ZNF827: variants seen among roughly 807,000 people sequenced by gnomAD.
ZNF827 encodes the protein zinc finger protein 827.
ZNF827 carries 13 observed loss-of-function variants against 102.4 expected under a neutral mutation model. The observed-to-expected ratio is 0.13, with a 90% CI of 0.08 to 0.20. The LOEUF (loss-of-function observed/expected upper bound fraction) is 0.20. Ranked by LOEUF, ZNF827 falls within the 10% of genes least tolerant of loss-of-function variation. ZNF827 has a pLI of 1.00. For missense variants in ZNF827, 1,103 were observed against 1,344.4 expected, an observed-to-expected ratio of 0.82 and a Z score of 2.81; for synonymous variants, 523 against 536.2, an observed-to-expected ratio of 0.98 and a Z score of 0.34.
intron 7 of ZNF827, chr4:145,832,807 A>AC (rs1372777707): frequency 6.6e-6 from 1 of 152,188 alleles, no homozygotes; most frequent in East Asian, 1.9e-4. Context: ...CTTGTGTGCG[A>AC]CCCCCACTCC....
chr4:145,863,968 C>T (rs1747955563), intron 5 of ZNF827, among the ~76,000 whole-genome samples: 1 of 151,680 alleles, frequency 6.6e-6, no homozygotes, highest in Admixed American at 6.6e-5. Flanking sequence ...CTGAGGTGGG[C>T]AGATTGTCTG....
At chr4:145,880,956 A>G (rs976331247) in intron 4 of ZNF827, among the ~76,000 whole-genome samples, 11 of 152,260 alleles carry the variant, frequency 7.2e-5, no homozygotes, top group African/African-American at 2.7e-4. Context: ...AAAGGCAATC[A>G]GAGCCACTGG....
chr4:145,924,423 T>C (rs1005511122), intron 1 of ZNF827, among the ~76,000 whole-genome samples: 1 of 152,186 alleles, frequency 6.6e-6, no homozygotes, highest in Non-Finnish European at 1.5e-5. Context: ...ACATATTATA[T>C]CACCTTCAAA....
chr4:145,817,219 A>T (rs976856213), intron 8 of ZNF827, among the ~76,000 whole-genome samples: 8 of 152,184 alleles, frequency 5.3e-5, no homozygotes. Context: ...ACTTATGGTG[A>T]CTTTTCCCTT....
intron 8 of ZNF827, among the ~76,000 whole-genome samples, chr4:145,800,205 A>G (rs1385027325): frequency 1.3e-5 from 2 of 152,226 alleles, no homozygotes; most frequent in Non-Finnish European, 2.9e-5. Flanking sequence ...ATGAAATTGC[A>G]TGTCACAGTT....
intron 1 of ZNF827, among the ~76,000 whole-genome samples, chr4:145,910,189 C>A (rs1000305794): frequency 1.3e-5 from 2 of 152,058 alleles, no homozygotes; most frequent in Non-Finnish European, 2.9e-5. Flanking sequence ...TGGCACACAG[C>A]AACATTTTCA....
chr4:145,820,603 T>C (rs1743049626), intron 8 of ZNF827, among the ~76,000 whole-genome samples: 1 of 152,208 alleles, frequency 6.6e-6, no homozygotes, highest in Non-Finnish European at 1.5e-5. Context: ...GCCACTATCA[T>C]TTCCTAATTC....
chr4:145,771,824 G>A (rs920999359), intron 11 of ZNF827, among the ~76,000 whole-genome samples: 3 of 152,198 alleles, frequency 2.0e-5, no homozygotes, highest in African/African-American at 4.8e-5. Context: ...ACAAGATAGC[G>A]TGGCAGATTT....
chr4:145,802,215 C>G (rs1359166065), intron 8 of ZNF827, among the ~76,000 whole-genome samples: 1 of 152,194 alleles, frequency 6.6e-6, no homozygotes, highest in Non-Finnish European at 1.5e-5. Flanking sequence ...TACTTTAAGA[C>G]TCTGAAAAGC....
At chr4:145,805,982 T>G (rs780960274) in intron 8 of ZNF827, among the ~76,000 whole-genome samples, 4 of 152,044 alleles carry the variant, frequency 2.6e-5, no homozygotes, top group Non-Finnish European at 5.9e-5. Context: ...CTTGCTTATT[T>G]TTTTTCATGA....
At chr4:145,861,553 C>T (rs1055665429) in intron 5 of ZNF827, among the ~76,000 whole-genome samples, 3 of 152,076 alleles carry the variant, frequency 2.0e-5, no homozygotes, top group African/African-American at 7.2e-5. Context: ...TATGTGTTAC[C>T]GATTAGGTAA....
In ZNF827 at chr4:145,823,418, A is replaced by G. The variant is rs775628634; in HGVS notation, c.2383+4T>C. The G allele has an allele frequency of 6.2e-6, 10 of 1,611,884 alleles. No homozygotes were observed. Among genetic ancestry groups the G allele is most frequent in the Non-Finnish European group, 6.8e-6 (8 of 1,178,510 alleles). On this transcript the variant is annotated splice_donor_region_variant and intron_variant, in intron 8 of 14. Transcript: ENST00000508784. ...TAGAAGCAAAGCCAACAATGTTTCC[A>G]TACCTGGAGCTGATATTCTTCCGTG...
rs567919580 is a variant in ZNF827 at position 145,930,586 on chromosome 4, G to A, written c.43+7779C>T. ...ATTTTCTTAAAAACAGAAGCAAAGT[G>A]TATCTAAACCCTGGTCACTTAAGAA... On this transcript the variant is annotated intron_variant, in intron 1 of 14. Coordinates refer to ENST00000508784, the MANE Select transcript of ZNF827 (RefSeq NM_001306215.2). Among the ~76,000 whole-genome samples, 6 of 152,326 alleles carry A rather than the reference G, an allele frequency of 3.9e-5. No individual in the cohort carries two copies. The South Asian group carries it at 1.0e-3, about 26-fold the overall frequency.
chr4:145,831,515 T>C (rs1321656481), intron 7 of ZNF827: 8 of 152,238 alleles, frequency 5.3e-5, no homozygotes, highest in Non-Finnish European at 7.3e-5. Context: ...TCTACTAGCA[T>C]ATAGGCAGCA....
chr4:145,914,936 TA>T (rs1752564933), intron 1 of ZNF827, among the ~76,000 whole-genome samples: 2 of 152,170 alleles, frequency 1.3e-5, no homozygotes, highest in Admixed American at 1.3e-4. Context: ...CCATCCCCAA[TA>T]AAACTCGGAT....
chr4:145,911,910 T>G (rs1395677723), intron 1 of ZNF827, among the ~76,000 whole-genome samples: 1 of 152,228 alleles, frequency 6.6e-6, no homozygotes, highest in East Asian at 1.9e-4. Context: ...ATAGATGTTT[T>G]CATATTCATC....
At chr4:145,838,198 G>C (rs930505023) in intron 7 of ZNF827, among the ~76,000 whole-genome samples, 12 of 152,198 alleles carry the variant, frequency 7.9e-5, no homozygotes, top group East Asian at 3.9e-4. Flanking sequence ...CACCACAAAA[G>C]AAGTGTAAAT....
chr4:145,781,195 C>CAAAAAAAAAAAAAAAA (rs10605153), intron 8 of ZNF827, among the ~76,000 whole-genome samples: 16 of 56,540 alleles, frequency 2.8e-4, no homozygotes, highest in East Asian at 1.4e-3. Flanking sequence ...GACACCATCT[C>CAAAAAAAAAAAAAAAA]AAAAAAAAAA....
chr4:145,795,125 GATGTT>G (rs1740243550), intron 8 of ZNF827, among the ~76,000 whole-genome samples: 1 of 152,132 alleles, frequency 6.6e-6, no homozygotes, highest in African/African-American at 2.4e-5. Context: ...TCAGGGGCAA[GATGTT>G]ATGTGTTTTT....
Sources: gnomAD v4.1 joint callset for allele counts (sites outside exome capture counted in the v4.1 genomes callset) on GRCh38, gnomAD v4.1.1 for gene constraint, MANE v1.5 for transcripts, NCBI Gene and HGNC (gene_info 2026-07-23, HGNC 2026-07-21) for gene names.